The following MNAT1 variants were observed in gnomAD, a reference collection of about 807,000 sequenced individuals.
MNAT1 encodes MNAT1 component of CDK activating kinase.
Under a neutral mutation model 42.0 loss-of-function variants are expected in MNAT1, and 43 were observed. The ratio of observed to expected loss-of-function variants is 1.02; its 90% CI spans 0.80 to 1.32. The LOEUF (loss-of-function observed/expected upper bound fraction) is 1.32, where lower values mean the gene tolerates loss of function less well. MNAT1 is among the 40% of genes most tolerant of loss of function. The pLI, the probability that MNAT1 is intolerant of heterozygous loss-of-function variation, is 0.00. For synonymous variants in MNAT1, 118 were observed against 120.0 expected (o/e 0.98, Z 0.11); for missense variants, 306 against 350.4 (o/e 0.87, Z 1.01).
chr14:60,755,417 C>T (rs2030308008), intron 1 of MNAT1, among the ~76,000 whole-genome samples: 4 of 152,300 alleles, frequency 2.6e-5, no homozygotes, highest in Admixed American at 6.5e-5. Flanking sequence ...GCTGGTATTA[C>T]AGGCGTGAGC....
At chr14:60,762,587 T>C (rs1594733711) in intron 1 of MNAT1, among the ~76,000 whole-genome samples, 1 of 151,612 alleles carries the variant, frequency 6.6e-6, no homozygotes, top group African/African-American at 2.4e-5. Context: ...ATGCCTGTAA[T>C]TCCAGCTACC....
rs149035997 is a variant in MNAT1, at chr14:60,868,879, A to C, written c.688-10835A>C. ...TTTATTTCTTATGTACTCTCATAGT[A>C]CACAAGACTATGTAACAAAATTCCA... On this transcript the variant is annotated intron_variant, in intron 6 of 7. Transcript: ENST00000261245. 2.0e-3 allele frequency among the ~76,000 whole-genome samples: 299 copies of C among 152,058 alleles called. 1 individual carries two copies. The highest frequency in any genetic ancestry group is 6.4e-3 in the African/African-American group (265 of 41,530).
intron 7 of MNAT1, among the ~76,000 whole-genome samples, chr14:60,951,318 AT>A (rs2036380654): frequency 8.0e-5 from 1 of 12,434 alleles, no homozygotes; most frequent in African/African-American, 3.3e-4. Context: ...TCTTATTGTT[AT>A]TATTGTTTTT....
At chr14:60,750,655 T>G (rs2030048730) in intron 1 of MNAT1, among the ~76,000 whole-genome samples, 1 of 152,072 alleles carries the variant, frequency 6.6e-6, no homozygotes, top group Non-Finnish European at 1.5e-5. Context: ...TTAAAAAAAT[T>G]ACTATTTGCT....
intron 7 of MNAT1, among the ~76,000 whole-genome samples, chr14:60,940,002 C>T (rs2036105990): frequency 6.6e-6 from 1 of 152,088 alleles, no homozygotes; most frequent in East Asian, 1.9e-4. Flanking sequence ...TTCTTTGTCT[C>T]TCTTGATCTT....
rs563625676 is a variant in MNAT1 at position 60,756,182 on chromosome 14, A to G, written c.89+21231A>G. On this transcript the variant is annotated intron_variant, in intron 1 of 7. Coordinates refer to ENST00000261245, the MANE Select transcript of MNAT1 (RefSeq NM_002431.4). ...GTTTTGTTAACTTACATATAGCACA[A>G]TGTGGGAACCTCTGTTCATAACGAG... Among the ~76,000 whole-genome samples the G allele has an allele frequency of 3.0e-4, 46 of 152,356 alleles. 1 individual carries two copies. The South Asian group carries it at 5.8e-3, about 19-fold the overall frequency.
chr14:60,907,757 G>GT (rs2035236325), intron 7 of MNAT1, among the ~76,000 whole-genome samples: 1 of 115,502 alleles, frequency 8.7e-6, no homozygotes, highest in African/African-American at 3.0e-5. Context: ...ACTCCAGCCT[G>GT]GACAACAAGA....
At chr14:60,735,494 A>G (rs550571428) in intron 1 of MNAT1, among the ~76,000 whole-genome samples, 1 of 152,186 alleles carries the variant, frequency 6.6e-6, no homozygotes, top group Non-Finnish European at 1.5e-5. Flanking sequence ...TTTTGAAGAT[A>G]TAATAATGGC....
At chr14:60,906,090 TGAGTCATTTGATATCCTTGGGA>T (rs1438096918) in intron 7 of MNAT1, among the ~76,000 whole-genome samples, 1 of 152,184 alleles carries the variant, frequency 6.6e-6, no homozygotes, top group Non-Finnish European at 1.5e-5. Flanking sequence ...AGCAAAGAAA[TGAGTCATTTGATATCCTTGGGA>T]GAGTCAGCAG....
intron 1 of MNAT1, among the ~76,000 whole-genome samples, chr14:60,742,639 C>T (rs1896507985): frequency 6.6e-6 from 1 of 152,156 alleles, no homozygotes; most frequent in African/African-American, 2.4e-5. Flanking sequence ...CACCACTTAG[C>T]CGTCACACTC....
chr14:60,930,748 T>A (rs1356878883), intron 7 of MNAT1, among the ~76,000 whole-genome samples: 1 of 152,160 alleles, frequency 6.6e-6, no homozygotes, highest in Non-Finnish European at 1.5e-5. Context: ...ATGTAAGTAG[T>A]TCAGTCTGAC....
intron 4 of MNAT1, among the ~76,000 whole-genome samples, chr14:60,811,044 A>G (rs750154351): frequency 6.6e-6 from 1 of 151,940 alleles, no homozygotes; most frequent in Non-Finnish European, 1.5e-5. Flanking sequence ...TATAATTGTT[A>G]TATCTTTCTA....
intron 7 of MNAT1, among the ~76,000 whole-genome samples, chr14:60,951,776 A>G (rs1221983774): frequency 1.4e-5 from 2 of 147,492 alleles, no homozygotes; most frequent in Non-Finnish European, 3.0e-5. Flanking sequence ...TTTTTTTTCC[A>G]TTTTACTGTG....
chr14:60,821,357 A>G (rs980068093), intron 6 of MNAT1, among the ~76,000 whole-genome samples: 6 of 152,158 alleles, frequency 3.9e-5, no homozygotes, highest in African/African-American at 1.4e-4. Flanking sequence ...TTTAATGTTT[A>G]TCTTTACCAC....
At position 60,808,090 on chromosome 14, in the gene MNAT1, C is replaced by A. The variant is rs143632858; in HGVS notation, c.317-235C>A. On this transcript the variant is annotated intron_variant, in intron 3 of 7. Coordinates refer to ENST00000261245, the MANE Select transcript of MNAT1 (RefSeq NM_002431.4). Reference sequence around the variant, plus strand: ...ATATCTTAGGTTTTCTGGAGTGATCCTGACATTTAGGTATTTTGTGCGAGT... The same window carrying A: ...ATATCTTAGGTTTTCTGGAGTGATCATGACATTTAGGTATTTTGTGCGAGT... Among the ~76,000 whole-genome samples, 924 of 152,028 alleles carry A rather than the reference C, an allele frequency of 6.1e-3. 2 individuals carry two copies. The highest frequency in any genetic ancestry group is 9.6e-3 in the Non-Finnish European group (649 of 67,958).
At chr14:60,775,735 G>A (rs1246989295) in intron 1 of MNAT1, among the ~76,000 whole-genome samples, 3 of 152,124 alleles carry the variant, frequency 2.0e-5, no homozygotes, top group Non-Finnish European at 4.4e-5. Context: ...CAGGTAGATT[G>A]ATGGCATTGG....
intron 1 of MNAT1, among the ~76,000 whole-genome samples, chr14:60,775,426 A>T (rs1397469970): frequency 6.6e-6 from 1 of 152,198 alleles, no homozygotes; most frequent in Admixed American, 6.5e-5. Context: ...TGTTTCAGGA[A>T]TTTTGCTGTG....
chr14:60,946,218 T>C (rs1009612603), intron 7 of MNAT1, among the ~76,000 whole-genome samples: 2 of 152,208 alleles, frequency 1.3e-5, no homozygotes, highest in African/African-American at 4.8e-5. Context: ...TAAAACCACA[T>C]AGTCGCTTCA....
chr14:60,968,260 C>T lies in MNAT1; in HGVS notation c.841C>T (p.Gln281Ter). The change falls in exon 8 of 8, where the codon CAG (glutamine) becomes TAG (stop). Residue 281 changes from glutamine (Q) to a stop codon, truncating the protein, a stop_gained. Coordinates refer to ENST00000261245, the MANE Select transcript of MNAT1 (RefSeq NM_002431.4). LOFTEE classifies it high-confidence loss of function. ...AAACCATGTCAGAGCTGCCTCACCA[C>T]AGGACCTTGCTGGAGGCTATACTTC... ...YLNHVRAASP[Q>*]DLAGGYTSSL... 1 of 1,613,926 alleles carries T rather than the reference C, an allele frequency of 6.2e-7. No homozygotes were observed. Among genetic ancestry groups the T allele is most frequent in the African/African-American group, 1.3e-5 (1 of 75,054 alleles).
Sources: gnomAD v4.1 joint callset for allele counts (sites outside exome capture counted in the v4.1 genomes callset) on GRCh38, gnomAD v4.1.1 for gene constraint, MANE v1.5 for transcripts, NCBI Gene and HGNC (gene_info 2026-07-23, HGNC 2026-07-21) for gene names.